LRRC37A2: variants seen among roughly 807,000 people sequenced by gnomAD.
The protein encoded by LRRC37A2 is leucine-rich repeat-containing protein 37A2.
In LRRC37A2, 9 loss-of-function variants were observed where a neutral mutation model predicts 68.8. The ratio of observed to expected loss-of-function variants is 0.13; its 90% confidence interval spans 0.08 to 0.23. The LOEUF (loss-of-function observed/expected upper bound fraction) is 0.23, where lower values mean the gene tolerates loss of function less well. Ranked by LOEUF, LRRC37A2 falls within the 10% of genes least tolerant of loss-of-function variation. The pLI, the probability that LRRC37A2 is intolerant of heterozygous loss-of-function variation, is 1.00. For missense variants in LRRC37A2, 168 were observed against 950.4 expected (o/e 0.18, Z 10.82); for synonymous variants, 63 against 367.6 (o/e 0.17, Z 9.48).
chr17:46,403,762 G>A, the LRRC37A2 span, among the ~76,000 whole-genome samples: 7 of 88,652 alleles, frequency 7.9e-5, no homozygotes, highest in African/African-American at 2.0e-4. Flanking sequence ...ACAGTGACAC[G>A]ATCTCAGCTC....
chr17:46,759,658 C>T, the LRRC37A2 span, among the ~76,000 whole-genome samples: 7 of 152,182 alleles, frequency 4.6e-5, no homozygotes, highest in African/African-American at 1.4e-4. Flanking sequence ...TCCCTATGCC[C>T]AGGGCCACCA....
chr17:46,821,784 G>A, the LRRC37A2 span, among the ~76,000 whole-genome samples: 2 of 152,204 alleles, frequency 1.3e-5, no homozygotes, highest in Admixed American at 6.5e-5. Context: ...TAGCTGGCTC[G>A]GAGGTTCCTT....
At chr17:46,975,054 G>A in the LRRC37A2 span, 1 of 140,980 alleles carries the variant, frequency 7.1e-6, no homozygotes, top group Admixed American at 8.0e-5. Flanking sequence ...ATGTACTTTA[G>A]GGAAAGAGTT....
the LRRC37A2 span, among the ~76,000 whole-genome samples, chr17:46,862,948 A>G: frequency 1.1e-4 from 17 of 152,230 alleles, no homozygotes; most frequent in African/African-American, 4.1e-4. Flanking sequence ...GGGTGTCACC[A>G]GGCTACCCAA....
chr17:47,013,749 T>TA, the LRRC37A2 span, among the ~76,000 whole-genome samples: 1 of 152,206 alleles, frequency 6.6e-6, no homozygotes, highest in African/African-American at 2.4e-5. Flanking sequence ...AGTGGTAAAA[T>TA]AGCTGTGGAG....
chr17:46,782,867 G>A, the LRRC37A2 span, among the ~76,000 whole-genome samples: 44 of 152,210 alleles, frequency 2.9e-4, no homozygotes, highest in Non-Finnish European at 6.0e-4. Flanking sequence ...TGCACCCTGC[G>A]GGTACTGAGC....
chr17:46,713,759 A>G, the LRRC37A2 span: 1 of 1,151,756 alleles, frequency 8.7e-7, no homozygotes, highest in Non-Finnish European at 1.2e-6. Flanking sequence ...ACTAGTCGAG[A>G]CCTCAGTATG....
At chr17:46,981,709 T>G in the LRRC37A2 span, among the ~76,000 whole-genome samples, 1,048 of 152,216 alleles carry the variant, frequency 6.9e-3, 12 homozygotes, top group African/African-American at 0.023. Flanking sequence ...TTATTTTATT[T>G]ATTTATTTTT....
chr17:46,816,366 A>G, the LRRC37A2 span, among the ~76,000 whole-genome samples: 1 of 152,056 alleles, frequency 6.6e-6, no homozygotes, highest in Admixed American at 6.5e-5. Flanking sequence ...CAACACGCCC[A>G]CACGATTTCA....
the LRRC37A2 span, among the ~76,000 whole-genome samples, chr17:47,023,487 C>A: frequency 2.6e-5 from 4 of 152,136 alleles, no homozygotes; most frequent in South Asian, 8.3e-4. Flanking sequence ...TTGAGACCAG[C>A]CTGGCCGATA....
At chr17:46,876,445 G>A in the LRRC37A2 span, 1 of 1,613,738 alleles carries the variant, frequency 6.2e-7, no homozygotes, top group East Asian at 2.2e-5. Flanking sequence ...CTGCCAGGCA[G>A]GGCAGCCTCA....
the LRRC37A2 span, among the ~76,000 whole-genome samples, chr17:46,819,619 G>A: frequency 5.0e-3 from 768 of 152,244 alleles, 10 homozygotes; most frequent in African/African-American, 0.018. This position sits in a 1 kb window ranked among gnomAD's most constrained non-coding sequence, Gnocchi z 5.3. Context: ...GCTGCCCTCC[G>A]GAGCGCCCCT....
the LRRC37A2 span, among the ~76,000 whole-genome samples, chr17:46,497,608 A>G: frequency 6.6e-6 from 1 of 150,452 alleles, no homozygotes; most frequent in Non-Finnish European, 1.5e-5. Context: ...GTGTGTGTGT[A>G]TGTGTGTATA....
chr17:46,901,134 C>A, the LRRC37A2 span, among the ~76,000 whole-genome samples: 1 of 151,940 alleles, frequency 6.6e-6, no homozygotes, highest in Non-Finnish European at 1.5e-5. Context: ...ATAAGCCCAG[C>A]ACATTTATTT....
At chr17:46,621,359 T>C in the LRRC37A2 span, among the ~76,000 whole-genome samples, 1 of 136,626 alleles carries the variant, frequency 7.3e-6, no homozygotes, top group Non-Finnish European at 1.6e-5. Flanking sequence ...CGATCTCAGC[T>C]CACTGCAAGC....
the LRRC37A2 span, among the ~76,000 whole-genome samples, chr17:46,784,777 CTTTTTT>C: frequency 7.7e-6 from 1 of 129,290 alleles, no homozygotes; most frequent in Non-Finnish European, 1.6e-5. Flanking sequence ...TTTTGCTTTT[CTTTTTT>C]TTTTTTTTTT....
chr17:47,001,770 G>A, the LRRC37A2 span, among the ~76,000 whole-genome samples: 1 of 135,866 alleles, frequency 7.4e-6, no homozygotes, highest in Non-Finnish European at 1.5e-5. Flanking sequence ...TCACCAGGCC[G>A]GAGTGCAGTG....
At chr17:46,771,730 G>C in the LRRC37A2 span, among the ~76,000 whole-genome samples, 11 of 137,860 alleles carry the variant, frequency 8.0e-5, no homozygotes, top group Non-Finnish European at 1.6e-4. Context: ...GCCGGGCCGC[G>C]AAATCCCCAT....
the LRRC37A2 span, chr17:46,932,031 T>A: frequency 1.2e-6 from 2 of 1,608,130 alleles, no homozygotes; most frequent in Non-Finnish European, 1.7e-6. Flanking sequence ...CTGCCCTGAG[T>A]TCCTGGAATT....
Sources: allele counts gnomAD v4.1 joint callset (sites outside exome capture counted in the v4.1 genomes callset), GRCh38; gene constraint gnomAD v4.1.1; non-coding constraint Gnocchi (gnomAD v3.1); transcripts MANE v1.5; gene names NCBI Gene and HGNC (gene_info 2026-07-23, HGNC 2026-07-21).